The following ASTN2 variants were observed in gnomAD, a reference collection of about 807,000 sequenced individuals.
The protein encoded by ASTN2 is astrotactin-2.
A neutral mutation model predicts 139.8 loss-of-function variants in ASTN2; 54 were observed. That is an observed-to-expected ratio of 0.39 (90% CI 0.31 to 0.48). The LOEUF (loss-of-function observed/expected upper bound fraction) is 0.48, where lower values mean the gene tolerates loss of function less well. ASTN2 is among the 20% of genes least tolerant of loss of function. ASTN2 has a pLI of 0.95. For synonymous variants in ASTN2, 756 were observed against 719.5 expected (o/e 1.05, Z -0.81); for missense variants, 1,565 against 1,725.1 (o/e 0.91, Z 1.64).
At chr9:117,178,895 C>G (rs1564463455) in intron 3 of ASTN2, among the ~76,000 whole-genome samples, 1 of 152,242 alleles carries the variant, frequency 6.6e-6, no homozygotes. Context: ...AGTGATGGCT[C>G]TGTGGGAGGC....
At chr9:116,729,679 C>A (rs980609771) in intron 14 of ASTN2, among the ~76,000 whole-genome samples, 1 of 152,140 alleles carries the variant, frequency 6.6e-6, no homozygotes, top group African/African-American at 2.4e-5. Flanking sequence ...TTTGCTGACC[C>A]CTATGTAGAC....
At chr9:116,573,526 G>A (rs1323538322) in intron 19 of ASTN2, among the ~76,000 whole-genome samples, 2 of 152,096 alleles carry the variant, frequency 1.3e-5, no homozygotes, top group African/African-American at 2.4e-5. Flanking sequence ...TTTCCAGAAT[G>A]TTATGGGACA....
intron 5 of ASTN2, among the ~76,000 whole-genome samples, chr9:117,067,681 C>G (rs529915652): frequency 2.3e-5 from 3 of 130,922 alleles, no homozygotes; most frequent in Non-Finnish European, 5.0e-5. Context: ...CTTTTATTTC[C>G]TTGAGCAGTG....
At chr9:117,058,353 T>C (rs1477138698) in intron 5 of ASTN2, among the ~76,000 whole-genome samples, 1 of 152,106 alleles carries the variant, frequency 6.6e-6, no homozygotes, top group East Asian at 2.0e-4. Context: ...AAGTATTCCC[T>C]TGTTTCACAA....
chr9:117,202,773 C>T (rs1286338680), intron 3 of ASTN2, among the ~76,000 whole-genome samples: 3 of 152,232 alleles, frequency 2.0e-5, no homozygotes, highest in East Asian at 1.9e-4. Context: ...AACAGTTTTT[C>T]CTTCATTCCA....
At chr9:116,579,018 G>A (rs1325354213) in intron 19 of ASTN2, 1 of 151,984 alleles carries the variant, frequency 6.6e-6, no homozygotes, top group Admixed American at 6.6e-5. Flanking sequence ...AAGAAGTGAG[G>A]CACCTGTGAT....
At chr9:116,649,504 G>A (rs957979603) in intron 17 of ASTN2, among the ~76,000 whole-genome samples, 6 of 150,848 alleles carry the variant, frequency 4.0e-5, no homozygotes, top group Non-Finnish European at 8.8e-5. Context: ...AACCCAGGAG[G>A]TGGAGGTTGC....
At chr9:116,853,591 C>T (rs1832666487) in intron 11 of ASTN2, among the ~76,000 whole-genome samples, 2 of 152,146 alleles carry the variant, frequency 1.3e-5, no homozygotes, top group South Asian at 2.1e-4. Context: ...ACACAGTGCA[C>T]ACCTCACTGG....
intron 3 of ASTN2, among the ~76,000 whole-genome samples, chr9:117,188,086 T>C (rs1831248770): frequency 6.6e-6 from 1 of 150,854 alleles, no homozygotes; most frequent in East Asian, 2.0e-4. Context: ...GCCTAACCCC[T>C]CCCTAGTCAT....
chr9:117,013,825 G>T (rs894232648), intron 6 of ASTN2, among the ~76,000 whole-genome samples: 1 of 152,072 alleles, frequency 6.6e-6, no homozygotes, highest in African/African-American at 2.4e-5. Flanking sequence ...AGACAAAATT[G>T]CCTGGAGAGC....
chr9:117,136,057 C>T (rs1252274667), intron 4 of ASTN2, among the ~76,000 whole-genome samples: 3 of 152,116 alleles, frequency 2.0e-5, no homozygotes, highest in African/African-American at 7.2e-5. Context: ...GCTTCTATAA[C>T]AAGGTAAATG....
At position 116,698,721 on chromosome 9, in the gene ASTN2, A is replaced by G. The variant is rs373287765; in HGVS notation, c.2806+27050T>C. 204 of 1,614,094 alleles carry G rather than the reference A, an allele frequency of 1.3e-4. No homozygotes were observed. Among genetic ancestry groups the G allele is most frequent in the Non-Finnish European group, 1.6e-4 (185 of 1,180,050 alleles). On this transcript the variant is annotated intron_variant, in intron 16 of 22. Transcript: ENST00000313400. This position sits in a 1 kb window ranked among gnomAD's most constrained non-coding sequence, Gnocchi z 4.4. The stretch of plus-strand genomic sequence containing the variant: ...CTCTGTTACTTTTAGAGAGATGGAC[A>G]TGAGCCCGGAGGAAGTGGTTGCCAG...
At chr9:117,116,582 T>TG (rs991964849) in intron 4 of ASTN2, among the ~76,000 whole-genome samples, 3,638 of 145,268 alleles carry the variant, frequency 0.025, 123 homozygotes, top group African/African-American at 0.083. Context: ...ATCAAAAGTT[T>TG]TTTTTTTTTT....
intron 10 of ASTN2, among the ~76,000 whole-genome samples, chr9:116,870,036 G>C (rs1833119533): frequency 6.6e-6 from 1 of 151,826 alleles, no homozygotes; most frequent in Non-Finnish European, 1.5e-5. Flanking sequence ...GCTTGAGCCT[G>C]GCAAGTTTGG....
Position 116,815,945 on chromosome 9 carries a change from C to T in ASTN2, c.2207+4672G>A, listed in dbSNP as rs900136079. 8.6e-5 allele frequency among the ~76,000 whole-genome samples: 13 copies of T among 150,336 alleles called. 1 individual carries two copies. The highest frequency in any genetic ancestry group is 1.3e-4 in the Admixed American group (2 of 15,082). ...AAAACAAAACAAAACAAAAAAACTA[C>T]AACTTTCCTTTTCTCATACAAGGAC... On this transcript the variant is annotated intron_variant, in intron 12 of 22. Transcript: ENST00000313400.
intron 19 of ASTN2, among the ~76,000 whole-genome samples, chr9:116,528,251 G>T (rs1272759442): frequency 1.3e-5 from 2 of 152,208 alleles, no homozygotes; most frequent in African/African-American, 4.8e-5. Flanking sequence ...ATTGGGAACT[G>T]GAGCAAAGGT....
At chr9:117,411,008 C>T (rs1296105924) in intron 1 of ASTN2, among the ~76,000 whole-genome samples, 1 of 152,146 alleles carries the variant, frequency 6.6e-6, no homozygotes, top group Non-Finnish European at 1.5e-5. Flanking sequence ...CCTGCATAAA[C>T]TTCATATTTG....
intron 19 of ASTN2, among the ~76,000 whole-genome samples, chr9:116,567,623 A>C (rs1475103444): frequency 6.6e-6 from 1 of 152,160 alleles, no homozygotes; most frequent in African/African-American, 2.4e-5. Flanking sequence ...TGGAAGATGG[A>C]TTGAAGGAGT....
intron 3 of ASTN2, among the ~76,000 whole-genome samples, chr9:117,163,818 T>C (rs1036894745): frequency 2.6e-5 from 4 of 152,120 alleles, no homozygotes; most frequent in African/African-American, 4.8e-5. Flanking sequence ...TCCCATTTTA[T>C]TGTAGACTTC....
Sources: allele counts gnomAD v4.1 joint callset (sites outside exome capture counted in the v4.1 genomes callset), GRCh38; gene constraint gnomAD v4.1.1; non-coding constraint Gnocchi (gnomAD v3.1); transcripts MANE v1.5; gene names NCBI Gene and HGNC (gene_info 2026-07-23, HGNC 2026-07-21).